EIF4G2: variants seen among roughly 807,000 people sequenced by gnomAD.
EIF4G2 encodes the protein eukaryotic translation initiation factor 4 gamma 2, also known as DAP-5.
EIF4G2 carries 8 observed loss-of-function variants against 117.7 expected under a neutral mutation model. The ratio of observed to expected loss-of-function variants is 0.07; its 90% CI spans 0.04 to 0.12. The LOEUF is 0.12. EIF4G2 is among the 10% of genes least tolerant of loss of function. EIF4G2 has a pLI of 1.00. For missense variants in EIF4G2, 812 were observed against 1,086.2 expected, an observed-to-expected ratio of 0.75 and a Z score of 3.55; for synonymous variants, 413 against 367.8, an observed-to-expected ratio of 1.12 and a Z score of -1.41.
chr11:10,800,560 G>T lies in EIF4G2; in HGVS notation c.1732C>A (p.Leu578Ile), dbSNP rs768276646. 1 of 1,614,132 alleles carries T rather than the reference G, an allele frequency of 6.2e-7. No homozygotes were observed. The highest frequency in any genetic ancestry group is 8.5e-7 in the Non-Finnish European group (1 of 1,180,014). The change falls in exon 17 of 22, where the codon CTT becomes ATT. Residue 578 changes from leucine to isoleucine, a missense_variant. Transcript: ENST00000339995. ...ATTACTTTGCTTAACATCTCAGGAA[G>T]AAAGTGTTTAGGAGCCCTCATTTCT...
chr11:10,801,649 A>G lies in EIF4G2; in HGVS notation c.1413+12T>C, dbSNP rs770242475. The G allele has an allele frequency of 1.2e-6, 2 of 1,609,122 alleles. No homozygotes were observed. Among genetic ancestry groups the G allele is most frequent in the Non-Finnish European group, 1.7e-6 (2 of 1,175,460 alleles). On this transcript the variant is annotated intron_variant, in intron 14 of 21. Coordinates refer to ENST00000339995, the MANE Select transcript of EIF4G2 (RefSeq NM_001418.4). ...ACAAACTATGGTATATAAGTAACATAGGCAAATGTACCTCATCTGCATTAA... is the reference window on the plus strand; with the variant it reads ...ACAAACTATGGTATATAAGTAACATGGGCAAATGTACCTCATCTGCATTAA...
In EIF4G2 at chr11:10,805,019, G is replaced by A; in HGVS notation, c.249-4C>T. 2.5e-6 allele frequency: 4 copies of A among 1,606,682 alleles called. No individual in the cohort carries two copies. Among genetic ancestry groups the A allele is most frequent in the Non-Finnish European group, 3.4e-6 (4 of 1,173,352 alleles). ...AGGAGTAAGCTTATTTAGTATGCTG[G>A]AGAAAAAGGAATTACATTTTAAGTG... On this transcript the variant is annotated splice_polypyrimidine_tract_variant and splice_region_variant and intron_variant, in intron 4 of 21. Coordinates refer to ENST00000339995, the MANE Select transcript of EIF4G2 (RefSeq NM_001418.4).
At chr11:10,804,826 G>A (rs1281464476) in intron 5 of EIF4G2, 87 bp downstream of exon 5, 63 of 1,105,738 alleles carry the variant, frequency 5.7e-5, no homozygotes, top group Non-Finnish European at 8.4e-5. Flanking sequence ...AGGGTTTTAA[G>A]TAGTAATCCA....
intron 5 of EIF4G2, chr11:10,804,645 T>C: frequency 4.8e-6 from 3 of 626,134 alleles, no homozygotes; most frequent in Non-Finnish European, 8.0e-6. Context: ...AAGACCTAAA[T>C]ACGGTGTTTT....
rs771480888 is a variant in EIF4G2, at chr11:10,801,045, G to T, written c.1456C>A (p.Gln486Lys). ...ATCTGGGGCTGAAGCTTTGGCACTT[G>T]ATTTTTATTCATTAGGAACGACTGA... Residue 486 changes from glutamine to lysine, a missense_variant, in exon 15 of 22, where the codon CAA becomes AAA. Physicochemically the swap from Gln to Lys is moderately conservative, Grantham distance 53. Around this residue, in one of 4 missense-constraint regions of EIF4G2, gnomAD observed 571 missense variants for 642.3 expected, o/e 0.89. Transcript: ENST00000339995. The T allele has an allele frequency of 1.2e-6, 2 of 1,614,108 alleles. No individual in the cohort carries two copies. Among genetic ancestry groups the T allele is most frequent in the Admixed American group, 3.3e-5 (2 of 60,012 alleles).
At chr11:10,806,797 G>T (rs148560932) in intron 3 of EIF4G2, 23 bp downstream of exon 3, 5 of 1,611,508 alleles carry the variant, frequency 3.1e-6, no homozygotes, top group African/African-American at 2.7e-5. Flanking sequence ...AAAGCTCACT[G>T]TTTTTTTACA....
chr11:10,805,895 C>T lies in EIF4G2; in HGVS notation c.248+12G>A, dbSNP rs752807482. ...CTTCCCATCTTTTAGTAAAACAGAC[C>T]TTGAAACTTACCCTCTTACTTTCCT... On this transcript the variant is annotated intron_variant, in intron 4 of 21. Coordinates refer to ENST00000339995, the MANE Select transcript of EIF4G2 (RefSeq NM_001418.4). 8.7e-6 allele frequency: 14 copies of T among 1,614,022 alleles called. No homozygotes were observed. The highest frequency in any genetic ancestry group is 1.7e-5 in the Admixed American group (1 of 60,004).
At chr11:10,798,877 A>C in intron 21 of EIF4G2, 115 bp downstream of exon 21, 7 of 1,252,580 alleles carry the variant, frequency 5.6e-6, no homozygotes, top group Non-Finnish European at 7.8e-6. Flanking sequence ...ACAGGTGAAG[A>C]CAAACTACTA....
At chr11:10,806,712 C>T (rs958519638) in intron 3 of EIF4G2, 108 bp downstream of exon 3, 1 of 1,230,392 alleles carries the variant, frequency 8.1e-7, no homozygotes, top group Non-Finnish European at 1.2e-6. Context: ...AAACCACGCC[C>T]CTTAAGATTA....
intron 3 of EIF4G2, chr11:10,806,356 T>G (rs937255293): frequency 9.6e-5 from 37 of 387,282 alleles, no homozygotes; most frequent in African/African-American, 7.0e-4. Context: ...TAACATTTTT[T>G]TTAAGAGATG....
intron 14 of EIF4G2, 136 bp from the exon 15 acceptor site, chr11:10,801,223 C>CCA: frequency 7.7e-7 from 1 of 1,292,484 alleles, no homozygotes; most frequent in Non-Finnish European, 1.0e-6. Context: ...AGAAGGTACT[C>CCA]CACATTAACA....
chr11:10,801,551 T>A (rs1847418448), intron 14 of EIF4G2, 110 bp downstream of exon 14: 1 of 992,846 alleles, frequency 1.0e-6, no homozygotes, highest in African/African-American at 1.6e-5. Flanking sequence ...GAGAAAAACG[T>A]CAAGAACTCC....
chr11:10,798,698 C>A (rs1371597145), intron 21 of EIF4G2: 15 of 221,986 alleles, frequency 6.8e-5, no homozygotes, highest in Admixed American at 1.0e-4. Flanking sequence ...TTCCTCTTTA[C>A]TGATGTTTTT....
chr11:10,800,803 C>T lies in EIF4G2; in HGVS notation c.1572G>A (p.Pro524=), dbSNP rs7951708. 1,611,618 of 1,614,226 alleles carry T rather than the reference C, an allele frequency of 1. 804,542 individuals are homozygous for T. The highest frequency in any genetic ancestry group is 1 in the East Asian group (44,888 of 44,888). The change falls in exon 16 of 22, where the codon CCG becomes CCA. Residue 524 remains proline (P), a synonymous_variant. Coordinates refer to ENST00000339995, the MANE Select transcript of EIF4G2 (RefSeq NM_001418.4). ...TCTTGGCAGGCTTTTCCTGGATAAGCGGTGGATTAGTTTTGAGACCAAGCT... is the reference window on the plus strand; with the variant it reads ...TCTTGGCAGGCTTTTCCTGGATAAGTGGTGGATTAGTTTTGAGACCAAGCT...
rs756153690 is a variant in EIF4G2 at position 10,805,903 on chromosome 11, T to C, written c.248+4A>G. 2 of 1,614,230 alleles carry C rather than the reference T, an allele frequency of 1.2e-6. No individual in the cohort carries two copies. The highest frequency in any genetic ancestry group is 1.7e-6 in the Non-Finnish European group (2 of 1,180,038). ...CTTTTAGTAAAACAGACCTTGAAAC[T>C]TACCCTCTTACTTTCCTGAAGATTG... On this transcript the variant is annotated splice_donor_region_variant and intron_variant, in intron 4 of 21. Coordinates refer to ENST00000339995, the MANE Select transcript of EIF4G2 (RefSeq NM_001418.4).
Position 10,799,409 on chromosome 11 carries a change from A to T in EIF4G2, c.2340T>A (p.Ile780=), listed in dbSNP as rs969477049. The change falls in exon 20 of 22, where the codon ATT becomes ATA. Residue 780 remains isoleucine, a synonymous_variant. Coordinates refer to ENST00000339995, the MANE Select transcript of EIF4G2 (RefSeq NM_001418.4). ...CGCTGGGGGGGTTTACTTCACTAGA[A>T]ATGTACTGTAAGAAGCTGGACAGAA... is the stretch of plus-strand genomic sequence containing the variant. 6 of 1,611,540 alleles carry T rather than the reference A, an allele frequency of 3.7e-6. No individual in the cohort carries two copies. The highest frequency in any genetic ancestry group is 5.1e-6 in the Non-Finnish European group (6 of 1,180,000).
Position 10,806,644 on chromosome 11 carries a change from G to T in EIF4G2, c.107+176C>A. The stretch of plus-strand genomic sequence containing the variant: ...CAGCTTGAGAGTCTCAACTCACTTA[G>T]AAAATTTGGCTAAGGAATAATCAGG... On this transcript the variant is annotated intron_variant, in intron 3 of 21. Transcript: ENST00000339995. 3 of 617,140 alleles carry T rather than the reference G, an allele frequency of 4.9e-6. No individual in the cohort carries two copies. The South Asian group carries it at 7.3e-5, about 15-fold the overall frequency. The allele number at this position is 617,140 out of a possible 1,614,324, so 38.2% of individuals were successfully genotyped here.
Position 10,803,868 on chromosome 11 carries a change from T to G in EIF4G2, c.702+31A>C. 6.3e-7 allele frequency: 1 copy of G among 1,595,788 alleles called. No homozygotes were observed. Among genetic ancestry groups the G allele is most frequent in the Non-Finnish European group, 8.6e-7 (1 of 1,167,920 alleles). ...GACTCATTTCCTCCAAACGACTGAC[T>G]ACATTCGCCTAACTTCCCTGTCACA... On this transcript the variant is annotated intron_variant, in intron 8 of 21. Coordinates refer to ENST00000339995, the MANE Select transcript of EIF4G2 (RefSeq NM_001418.4). This position sits in a 1 kb window ranked among gnomAD's most constrained non-coding sequence, Gnocchi z 4.0.
intron 3 of EIF4G2, chr11:10,806,414 C>T (rs187904640): frequency 1.3e-5 from 4 of 317,094 alleles, no homozygotes; most frequent in Non-Finnish European, 1.8e-5. Context: ...TGGGTTCAAG[C>T]GACCCTCCCA....
Sources: allele counts gnomAD v4.1 joint callset, GRCh38; gene constraint gnomAD v4.1.1; regional missense constraint gnomAD v4.1.1; non-coding constraint Gnocchi (gnomAD v3.1); transcripts MANE v1.5; gene names NCBI Gene and HGNC (gene_info 2026-07-23, HGNC 2026-07-21).